The following FRK variants were observed in gnomAD, a reference collection of about 807,000 sequenced individuals.
FRK encodes fyn related Src family tyrosine kinase.
A neutral mutation model predicts 56.4 loss-of-function variants in FRK; 51 were observed. That is an observed-to-expected ratio of 0.90 (90% CI 0.72 to 1.14). The LOEUF is 1.14. FRK is among the 50% of genes most tolerant of loss of function. The pLI is 0.00. For synonymous variants in FRK, 245 were observed against 217.9 expected (o/e 1.12, Z -1.10); for missense variants, 570 against 601.4 (o/e 0.95, Z 0.55).
At chr6:116,000,260 T>G in intron 2 of FRK, among the ~76,000 whole-genome samples, 1 of 46,162 alleles carries the variant, frequency 2.2e-5, no homozygotes, top group African/African-American at 7.8e-5. Flanking sequence ...TTTTTTTTTT[T>G]GAGACGGAGT....
intron 1 of FRK, among the ~76,000 whole-genome samples, chr6:116,040,731 T>A (rs1776678285): frequency 6.6e-6 from 1 of 152,164 alleles, no homozygotes; most frequent in Non-Finnish European, 1.5e-5. Context: ...GGAAAAAAGA[T>A]TTACTCTGAC....
chr6:116,063,189 C>T (rs1230491421), upstream of FRK, among the ~76,000 whole-genome samples: 1 of 152,106 alleles, frequency 6.6e-6, no homozygotes, highest in Non-Finnish European at 1.5e-5. Context: ...GAAATAACAT[C>T]CAGGAATTCT....
chr6:116,038,841 A>C (rs1253689400), intron 1 of FRK: 1 of 526,894 alleles, frequency 1.9e-6, no homozygotes, highest in Non-Finnish European at 3.8e-6. Flanking sequence ...CGCACTCTGA[A>C]GGCGGCCAAG....
At chr6:116,002,612 C>CAAAAAA (rs954313320) in intron 2 of FRK, 2 of 428,244 alleles carry the variant, frequency 4.7e-6, no homozygotes, top group African/African-American at 4.1e-5. Context: ...CTCAAAAAAA[C>CAAAAAA]AAAAAAATGG....
the FRK span, among the ~76,000 whole-genome samples, chr6:116,073,629 C>T: frequency 2.0e-5 from 3 of 152,214 alleles, no homozygotes; most frequent in African/African-American, 4.8e-5. Flanking sequence ...GGTAAGTGAT[C>T]GCCACTTAAA....
At chr6:116,063,059 G>A (rs1777677412), upstream of FRK, among the ~76,000 whole-genome samples, 1 of 152,076 alleles carries the variant, frequency 6.6e-6, no homozygotes, top group Non-Finnish European at 1.5e-5. Flanking sequence ...ATAGTTTATA[G>A]AGTAGTTTTT....
intron 5 of FRK, among the ~76,000 whole-genome samples, chr6:115,947,272 G>T (rs1772496103): frequency 6.6e-6 from 1 of 151,548 alleles, no homozygotes; most frequent in African/African-American, 2.4e-5. Context: ...AATAAAAAAT[G>T]AAATAAATAG....
chr6:116,009,877 TA>T (rs1297960240), intron 1 of FRK, among the ~76,000 whole-genome samples: 1 of 152,080 alleles, frequency 6.6e-6, no homozygotes, highest in Non-Finnish European at 1.5e-5. Flanking sequence ...CATTGTTGTA[TA>T]AAAAAGGGTA....
At chr6:116,099,727 G>C in the FRK span, among the ~76,000 whole-genome samples, 1 of 152,108 alleles carries the variant, frequency 6.6e-6, no homozygotes, top group Admixed American at 6.5e-5. Context: ...TCCTCTGATT[G>C]GTCTATTAGC....
chr6:116,015,213 G>A (rs776636524), intron 1 of FRK, among the ~76,000 whole-genome samples: 3 of 152,116 alleles, frequency 2.0e-5, no homozygotes, highest in Non-Finnish European at 4.4e-5. Flanking sequence ...GATCATGAGG[G>A]TGTTTCTTCC....
At chr6:116,070,482 G>A in the FRK span, among the ~76,000 whole-genome samples, 8 of 152,138 alleles carry the variant, frequency 5.3e-5, no homozygotes, top group African/African-American at 1.2e-4. Flanking sequence ...TTTATTTTGC[G>A]TCCTTTGAAT....
chr6:116,098,101 T>C, the FRK span, among the ~76,000 whole-genome samples: 1 of 39,870 alleles, frequency 2.5e-5, no homozygotes, highest in Non-Finnish European at 5.3e-5. Flanking sequence ...TACAGACAGC[T>C]TTTTTTTTTT....
At chr6:116,050,393 T>A (rs1777139413) in intron 1 of FRK, among the ~76,000 whole-genome samples, 1 of 152,222 alleles carries the variant, frequency 6.6e-6, no homozygotes, top group African/African-American at 2.4e-5. Context: ...ATCTTCCATC[T>A]TTCTCAATAA....
intron 2 of FRK, among the ~76,000 whole-genome samples, chr6:115,994,338 C>CT (rs138130403): frequency 0.29 from 26,729 of 91,162 alleles, 5,836 homozygotes; most frequent in Middle Eastern, 0.38. Context: ...CCCCCCCCGC[C>CT]TTTTTTTTGT....
At chr6:115,967,780 TGTTG>T in intron 3 of FRK, 61 bp from the exon 4 acceptor site, 1 of 1,307,724 alleles carries the variant, frequency 7.6e-7, no homozygotes, top group Non-Finnish European at 1.0e-6. Context: ...AATATTATTT[TGTTG>T]AAAATAATAG....
At chr6:115,970,604 A>C (rs1399472163) in intron 2 of FRK, among the ~76,000 whole-genome samples, 1 of 152,228 alleles carries the variant, frequency 6.6e-6, no homozygotes, top group Non-Finnish European at 1.5e-5. Context: ...CTCATTATTA[A>C]AAAGCAAGGC....
the FRK span, among the ~76,000 whole-genome samples, chr6:116,066,891 C>T: frequency 6.6e-6 from 1 of 152,216 alleles, no homozygotes; most frequent in African/African-American, 2.4e-5. Flanking sequence ...AGTAGCAAAA[C>T]TACCCAACCT....
chr6:115,951,833 A>T (rs188705529), intron 5 of FRK, among the ~76,000 whole-genome samples: 20 of 152,310 alleles, frequency 1.3e-4, no homozygotes, highest in Non-Finnish European at 2.4e-4. Flanking sequence ...TACTTTTAAT[A>T]CAACCAACAG....
chr6:115,956,617 C>T lies in FRK; in HGVS notation c.800-7G>A, dbSNP rs1773004763. 1 of 1,534,674 alleles carries T rather than the reference C, an allele frequency of 6.5e-7. No individual in the cohort carries two copies. The highest frequency in any genetic ancestry group is 8.8e-7 in the Non-Finnish European group (1 of 1,140,528). ...TCATTTGGATCCATTGAACCTGAAA[C>T]AAGAAGAGGGAGAAATCACTTTATG... On this transcript the variant is annotated splice_polypyrimidine_tract_variant and splice_region_variant and intron_variant, in intron 4 of 7. Coordinates refer to ENST00000606080, the MANE Select transcript of FRK (RefSeq NM_002031.3).
Sources: gnomAD v4.1 joint callset for allele counts (sites outside exome capture counted in the v4.1 genomes callset) on GRCh38, gnomAD v4.1.1 for gene constraint, MANE v1.5 for transcripts, NCBI Gene and HGNC (gene_info 2026-07-23, HGNC 2026-07-21) for gene names.